KCNMB2: variants seen among roughly 807,000 people sequenced by gnomAD.
The protein encoded by KCNMB2 is calcium-activated potassium channel subunit beta-2.
KCNMB2 carries 9 observed loss-of-function variants against 24.5 expected under a neutral mutation model. The observed-to-expected ratio is 0.37, with a 90% confidence interval of 0.22 to 0.64. The LOEUF (loss-of-function observed/expected upper bound fraction) is 0.64, where lower values mean the gene tolerates loss of function less well. Among genes scored for constraint, KCNMB2 ranks in the 30% least tolerant of loss-of-function variants. The pLI is 0.63. For missense variants in KCNMB2, 226 were observed against 284.3 expected, an observed-to-expected ratio of 0.79 and a Z score of 1.47; for synonymous variants, 109 against 104.4, an observed-to-expected ratio of 1.04 and a Z score of -0.27.
chr3:178,795,741 G>A (rs998852382), intron 1 of KCNMB2, among the ~76,000 whole-genome samples: 34 of 152,274 alleles, frequency 2.2e-4, no homozygotes, highest in African/African-American at 7.9e-4. Context: ...TAAGATTGCA[G>A]TGATTTGTTG....
intron 1 of KCNMB2, among the ~76,000 whole-genome samples, chr3:178,755,957 T>C (rs1292966294): frequency 1.3e-5 from 2 of 152,088 alleles, no homozygotes; most frequent in Non-Finnish European, 2.9e-5. Flanking sequence ...CAATACTCAG[T>C]TGAGGTCAGG....
At chr3:178,812,787 T>C (rs1714246226) in intron 2 of KCNMB2, among the ~76,000 whole-genome samples, 1 of 152,152 alleles carries the variant, frequency 6.6e-6, no homozygotes, top group Non-Finnish European at 1.5e-5. Context: ...CTCTATTCTG[T>C]TCTAGCGGCC....
At chr3:178,676,209 C>T (rs1340113286) in intron 1 of KCNMB2, among the ~76,000 whole-genome samples, 2 of 152,278 alleles carry the variant, frequency 1.3e-5, no homozygotes, top group East Asian at 3.9e-4. Context: ...GAACTGGAGG[C>T]CACCCAGGGC....
intron 1 of KCNMB2, among the ~76,000 whole-genome samples, chr3:178,685,457 C>A (rs1489439848): frequency 6.6e-6 from 1 of 152,176 alleles, no homozygotes; most frequent in Non-Finnish European, 1.5e-5. Context: ...GTGGTTACAA[C>A]TACATGTTGG....
intron 1 of KCNMB2, among the ~76,000 whole-genome samples, chr3:178,695,186 C>T (rs1234208603): frequency 2.6e-5 from 4 of 152,246 alleles, no homozygotes; most frequent in African/African-American, 7.2e-5. Context: ...TGTACCTTGG[C>T]CCCTTTTAGC....
At chr3:178,735,490 A>G (rs558412725) in intron 1 of KCNMB2, among the ~76,000 whole-genome samples, 1 of 152,364 alleles carries the variant, frequency 6.6e-6, no homozygotes, top group African/African-American at 2.4e-5. Context: ...AGTCCTGGCT[A>G]AGGGGTTGAG....
chr3:178,828,243 C>T lies in KCNMB2; in HGVS notation c.293C>T (p.Ser98Phe). Residue 98 changes from serine (S) to phenylalanine (F), a missense_variant, in exon 4 of 5, where the codon TCC (serine) becomes TTC (phenylalanine). Physicochemically the swap from Ser to Phe is radical, Grantham distance 155. Transcript: ENST00000452583. ...NASITETFNC[S>F]FSCGPDCWKL... The stretch of plus-strand genomic sequence containing the variant: ...TCCATCACGGAAACATTTAATTGCT[C>T]CTTCAGCTGTGGTCCAGACTGCTGG... 1 of 1,613,966 alleles carries T rather than the reference C, an allele frequency of 6.2e-7. No individual in the cohort carries two copies. Among genetic ancestry groups the T allele is most frequent in the Non-Finnish European group, 8.5e-7 (1 of 1,179,886 alleles).
intron 1 of KCNMB2, among the ~76,000 whole-genome samples, chr3:178,555,236 T>A (rs1716083847): frequency 6.6e-6 from 1 of 152,178 alleles, no homozygotes; most frequent in Non-Finnish European, 1.5e-5. Context: ...ATAAAATAAC[T>A]CTTCATTGTC....
chr3:178,738,415 T>G (rs1161803077), intron 1 of KCNMB2, among the ~76,000 whole-genome samples: 1 of 152,212 alleles, frequency 6.6e-6, no homozygotes, highest in African/African-American at 2.4e-5. Flanking sequence ...TTAAAACTAT[T>G]ACTAACTCCA....
At chr3:178,741,556 T>C (rs1340466921) in intron 1 of KCNMB2, among the ~76,000 whole-genome samples, 1 of 152,184 alleles carries the variant, frequency 6.6e-6, no homozygotes, top group African/African-American at 2.4e-5. Context: ...CCTCCCTGTC[T>C]TCTACCAGGA....
At chr3:178,639,547 A>C (rs889818204) in intron 1 of KCNMB2, among the ~76,000 whole-genome samples, 1 of 152,240 alleles carries the variant, frequency 6.6e-6, no homozygotes, top group East Asian at 1.9e-4. Flanking sequence ...TATATGACAA[A>C]GTTATTAATA....
intron 1 of KCNMB2, among the ~76,000 whole-genome samples, chr3:178,732,271 G>T (rs1723177775): frequency 6.6e-6 from 1 of 152,050 alleles, no homozygotes; most frequent in South Asian, 2.1e-4. Context: ...TCTACAGTAG[G>T]TTTTTATTAT....
At chr3:178,540,261 A>C (rs1365105423) in intron 1 of KCNMB2, among the ~76,000 whole-genome samples, 2 of 152,160 alleles carry the variant, frequency 1.3e-5, no homozygotes, top group Non-Finnish European at 2.9e-5. Flanking sequence ...CCTAGCTTTA[A>C]TTATTTCTTG....
intron 1 of KCNMB2, among the ~76,000 whole-genome samples, chr3:178,796,658 G>A (rs1306466663): frequency 6.6e-6 from 1 of 151,968 alleles, no homozygotes; most frequent in Non-Finnish European, 1.5e-5. Context: ...AATGACCAAT[G>A]GGTCAATGAA....
intron 1 of KCNMB2, among the ~76,000 whole-genome samples, chr3:178,717,244 A>C (rs1722647408): frequency 6.6e-6 from 1 of 152,100 alleles, no homozygotes; most frequent in South Asian, 2.1e-4. Flanking sequence ...TTTCCAAAGT[A>C]TGGACTTCCA....
intron 1 of KCNMB2, among the ~76,000 whole-genome samples, chr3:178,616,833 A>T (rs1306050331): frequency 1.3e-5 from 2 of 152,194 alleles, no homozygotes; most frequent in Non-Finnish European, 2.9e-5. Flanking sequence ...ATGCCTACAG[A>T]TTCATACCAA....
chr3:178,557,588 C>T (rs1301762013), intron 1 of KCNMB2, among the ~76,000 whole-genome samples: 1 of 152,080 alleles, frequency 6.6e-6, no homozygotes, highest in Non-Finnish European at 1.5e-5. Flanking sequence ...ATTCGTTGGC[C>T]ATGCCTTTAC....
At chr3:178,624,094 C>T (rs182619623) in intron 1 of KCNMB2, among the ~76,000 whole-genome samples, 36 of 152,290 alleles carry the variant, frequency 2.4e-4, no homozygotes, top group African/African-American at 8.7e-4. Flanking sequence ...GGTTAGCTAA[C>T]CCAAGGCCCC....
chr3:178,826,482 CAAATA>C (rs1714838992), intron 3 of KCNMB2, among the ~76,000 whole-genome samples: 1 of 152,126 alleles, frequency 6.6e-6, no homozygotes, highest in African/African-American at 2.4e-5. Context: ...GATAGGGAGG[CAAATA>C]AATTGTGGGA....
Sources: gnomAD v4.1 joint callset for allele counts (sites outside exome capture counted in the v4.1 genomes callset) on GRCh38, gnomAD v4.1.1 for gene constraint, MANE v1.5 for transcripts, NCBI Gene and HGNC (gene_info 2026-07-23, HGNC 2026-07-21) for gene names.